The following JAK1 variants were observed in gnomAD, a reference collection of about 807,000 sequenced individuals.
The protein encoded by JAK1 is tyrosine-protein kinase JAK1.
JAK1 carries 16 observed loss-of-function variants against 136.6 expected under a neutral mutation model. The observed-to-expected ratio is 0.12, with a 90% CI of 0.08 to 0.18. The LOEUF is 0.18. Among genes scored for constraint, JAK1 ranks in the 10% least tolerant of loss-of-function variants. The pLI is 1.00. For missense variants in JAK1, 859 were observed against 1,450.1 expected (o/e 0.59, Z 6.62); for synonymous variants, 492 against 519.5 (o/e 0.95, Z 0.72).
intron 1 of JAK1, among the ~76,000 whole-genome samples, chr1:64,957,867 CCGGG>C: frequency 6.6e-6 from 1 of 152,076 alleles, no homozygotes; most frequent in Admixed American, 6.5e-5. Context: ...TGGCGTGAAC[CCGGG>C]AGGCAGAGGT....
intron 19 of JAK1, among the ~76,000 whole-genome samples, chr1:64,840,757 G>A (rs1654843055): frequency 6.6e-6 from 1 of 152,026 alleles, no homozygotes. Context: ...GCTTGAGCCT[G>A]GGAAGTTGAG....
intron 1 of JAK1, among the ~76,000 whole-genome samples, chr1:65,045,510 A>G (rs1052178102): frequency 2.1e-5 from 3 of 143,354 alleles, no homozygotes; most frequent in African/African-American, 9.0e-5. Context: ...CATGGTGGGA[A>G]GCATGAAATC....
intron 15 of JAK1, among the ~76,000 whole-genome samples, 177 bp downstream of exon 15, chr1:64,845,336 C>T (rs1313770949): frequency 3.9e-5 from 6 of 152,152 alleles, no homozygotes; most frequent in African/African-American, 1.4e-4. Context: ...AGGGAACGGC[C>T]CCAAACGACC....
chr1:64,841,657 A>T (rs542831244), intron 17 of JAK1, 56 bp from the exon 18 acceptor site: 4 of 1,575,524 alleles, frequency 2.5e-6, no homozygotes, highest in Non-Finnish European at 3.5e-6. Context: ...CAAACTTCTC[A>T]GCCCCAGGTC....
intron 1 of JAK1, among the ~76,000 whole-genome samples, chr1:64,915,001 T>C (rs1229026953): frequency 6.6e-6 from 1 of 152,174 alleles, no homozygotes; most frequent in Non-Finnish European, 1.5e-5. Flanking sequence ...TTAAGTCTGA[T>C]CCAACTTCAA....
At chr1:64,894,842 C>T (rs1470667134) in intron 1 of JAK1, among the ~76,000 whole-genome samples, 1 of 152,106 alleles carries the variant, frequency 6.6e-6, no homozygotes, top group Non-Finnish European at 1.5e-5. Flanking sequence ...CCCCCCTACA[C>T]TTGGCCCCCT....
chr1:64,845,450 G>A (rs1655168700), intron 15 of JAK1, 63 bp downstream of exon 15: 2 of 1,597,322 alleles, frequency 1.3e-6, no homozygotes, highest in South Asian at 2.2e-5. Flanking sequence ...CCTCCTTCCT[G>A]CCACCCCTCC....
intron 2 of JAK1, among the ~76,000 whole-genome samples, chr1:65,012,263 C>T (rs1215618398): frequency 1.3e-5 from 2 of 151,982 alleles, no homozygotes; most frequent in East Asian, 1.9e-4. Context: ...GAGGTCCTGA[C>T]CAAGTAGAGA....
At chr1:65,052,131 T>C (rs1029532103) in intron 1 of JAK1, among the ~76,000 whole-genome samples, 1 of 149,890 alleles carries the variant, frequency 6.7e-6, no homozygotes, top group Non-Finnish European at 1.5e-5. Context: ...TTTTTTTTTT[T>C]TTTTTTTTTG....
chr1:64,932,105 T>C (rs899027090), intron 1 of JAK1, among the ~76,000 whole-genome samples: 1 of 150,310 alleles, frequency 6.7e-6, no homozygotes, highest in African/African-American at 2.4e-5. Flanking sequence ...GAGGTAGACA[T>C]CATGGCACTT....
chr1:64,914,272 G>A (rs765361324), intron 1 of JAK1, among the ~76,000 whole-genome samples: 9 of 152,162 alleles, frequency 5.9e-5, no homozygotes, highest in Admixed American at 2.6e-4. Flanking sequence ...CGATCTACTC[G>A]CTGCCTTATG....
chr1:64,929,403 A>G (rs956070362), intron 1 of JAK1, among the ~76,000 whole-genome samples: 2 of 152,226 alleles, frequency 1.3e-5, no homozygotes, highest in African/African-American at 4.8e-5. Context: ...AGGTATTAGC[A>G]AACTATTCTT....
intron 2 of JAK1, among the ~76,000 whole-genome samples, chr1:64,976,965 T>C (rs1646501949): frequency 6.6e-6 from 1 of 152,104 alleles, no homozygotes; most frequent in South Asian, 2.1e-4. Flanking sequence ...TAGCTATACT[T>C]CTCTTGGGCA....
chr1:64,839,579 G>A lies in JAK1; in HGVS notation c.2842+24C>T, dbSNP rs377691630. The A allele has an allele frequency of 1.5e-4, 241 of 1,604,222 alleles. No homozygotes were observed. In the South Asian group the frequency reaches 1.8e-3, roughly 12 times the overall value. ...TAGACAGTCACCAAATCTTTAAACC[G>A]GACCCCAGCCTTGCATAACATACCG... On this transcript the variant is annotated intron_variant, in intron 20 of 24. Transcript: ENST00000342505.
Position 64,839,658 on chromosome 1 carries a change from T to A in JAK1, c.2787A>T (p.Leu929Phe). ...IADLKKEIEI[L>F]RNLYHENIVK... ...CAATGTTCTCATGATAGAGGTTCCT[T>A]AAGATCTCGATTTCCTTTTTCAGAT... is the stretch of plus-strand genomic sequence containing the variant. Residue 929 changes from leucine to phenylalanine, a missense_variant, in exon 20 of 25, where the codon TTA becomes TTT. Coordinates refer to ENST00000342505, the MANE Select transcript of JAK1 (RefSeq NM_002227.4). 6.2e-7 allele frequency: 1 copy of A among 1,614,246 alleles called. No individual in the cohort carries two copies. The highest frequency in any genetic ancestry group is 8.5e-7 in the Non-Finnish European group (1 of 1,180,038).
At chr1:64,922,992 A>T (rs1645521808) in intron 1 of JAK1, among the ~76,000 whole-genome samples, 1 of 152,232 alleles carries the variant, frequency 6.6e-6, no homozygotes, top group African/African-American at 2.4e-5. Flanking sequence ...AATAAAAAAG[A>T]TACTTATTAG....
rs1284629546 is a variant in JAK1 at position 64,984,355 on chromosome 1, G to A, written c.-78+60125C>T. ...AGGGAGAAGAGCTGGCAAAGTTGTC[G>A]TATCCCAAGTGGTCAATCCCTCCTG... On this transcript the variant is annotated intron_variant, in intron 2 of 25. Transcript: ENST00000671954. This position sits in a 1 kb window ranked among gnomAD's most constrained non-coding sequence, Gnocchi z 4.1. Among the ~76,000 whole-genome samples the A allele has an allele frequency of 5.3e-5, 8 of 152,238 alleles. No individual in the cohort carries two copies. Among genetic ancestry groups the A allele is most frequent in the South Asian group, 4.1e-4 (2 of 4,826 alleles).
intron 1 of JAK1, among the ~76,000 whole-genome samples, chr1:64,927,777 T>G (rs780537014): frequency 3.3e-5 from 5 of 152,226 alleles, no homozygotes; most frequent in Admixed American, 6.5e-5. Context: ...TGAACACATC[T>G]GTATAATGCA....
chr1:64,856,459 G>C (rs1655939591), intron 10 of JAK1, among the ~76,000 whole-genome samples: 1 of 152,056 alleles, frequency 6.6e-6, no homozygotes, highest in Non-Finnish European at 1.5e-5. Context: ...CTTGGCACAG[G>C]GTCTGGTGGG....
Sources: gnomAD v4.1 joint callset for allele counts (sites outside exome capture counted in the v4.1 genomes callset) on GRCh38, gnomAD v4.1.1 for gene constraint, Gnocchi (gnomAD v3.1) non-coding constraint, MANE v1.5 for transcripts, NCBI Gene and HGNC (gene_info 2026-07-23, HGNC 2026-07-21) for gene names.